The following CSMD1 variants were observed in gnomAD, a reference collection of about 807,000 sequenced individuals.
The protein encoded by CSMD1 is CUB and sushi domain-containing protein 1.
In CSMD1, 213 loss-of-function variants were observed where a neutral mutation model predicts 417.5. The ratio of observed to expected loss-of-function variants is 0.51; its 90% CI spans 0.46 to 0.57. The LOEUF (loss-of-function observed/expected upper bound fraction) is 0.57, where lower values mean the gene tolerates loss of function less well. Among genes scored for constraint, CSMD1 ranks in the 20% least tolerant of loss-of-function variants. The pLI is 0.00. For synonymous variants in CSMD1, 2,862 were observed against 1,736.8 expected (o/e 1.65, Z -16.11); for missense variants, 6,923 against 4,529.7 (o/e 1.53, Z -15.17).
chr8:4,768,891 C>G (rs1019685376), intron 1 of CSMD1, among the ~76,000 whole-genome samples: 1 of 152,168 alleles, frequency 6.6e-6, no homozygotes, highest in Admixed American at 6.5e-5. Context: ...TTTTTCCTAG[C>G]CGAGTCTTCC....
At chr8:4,243,368 C>T (rs1802514207) in intron 3 of CSMD1, among the ~76,000 whole-genome samples, 1 of 151,944 alleles carries the variant, frequency 6.6e-6, no homozygotes, top group Non-Finnish European at 1.5e-5. Context: ...CGAGAGGGGC[C>T]CAAAAAACAG....
At chr8:4,515,162 G>A (rs749442094) in intron 2 of CSMD1, among the ~76,000 whole-genome samples, 8 of 152,168 alleles carry the variant, frequency 5.3e-5, no homozygotes, top group African/African-American at 1.7e-4. Flanking sequence ...TTATGTCTGA[G>A]TTTAGGAACT....
chr8:4,085,443 T>C (rs1800368235), intron 3 of CSMD1, among the ~76,000 whole-genome samples: 1 of 151,918 alleles, frequency 6.6e-6, no homozygotes, highest in South Asian at 2.1e-4. Flanking sequence ...AGAAAATGAG[T>C]TTTAATTGCT....
intron 7 of CSMD1, among the ~76,000 whole-genome samples, chr8:3,666,288 G>C (rs1020841088): frequency 2.0e-5 from 3 of 152,112 alleles, no homozygotes; most frequent in African/African-American, 4.8e-5. Context: ...TTAGTCTATA[G>C]ATTGTGAGAA....
chr8:3,363,921 G>A lies in CSMD1; in HGVS notation c.3115+3111C>T, dbSNP rs1190353730. Among the ~76,000 whole-genome samples, 4 of 152,102 alleles carry A rather than the reference G, an allele frequency of 2.6e-5. No homozygotes were observed. In the South Asian group the frequency reaches 8.3e-4, roughly 32 times the overall value. ...TGTGCAGGTTTATCTAAGCCAACTG[G>A]AATACGGGGCTCTTTTTCTACAATA... On this transcript the variant is annotated intron_variant, in intron 20 of 69. Coordinates refer to ENST00000635120, the MANE Select transcript of CSMD1 (RefSeq NM_033225.6).
In CSMD1 at chr8:3,284,203, G is replaced by T. The variant is rs1423305850; in HGVS notation, c.4094C>A (p.Thr1365Asn). 1 of 1,608,166 alleles carries T rather than the reference G, an allele frequency of 6.2e-7. No homozygotes were observed. The highest frequency in any genetic ancestry group is 1.7e-5 in the Admixed American group (1 of 58,960). The change falls in exon 26 of 70, where the codon ACC becomes AAC. Residue 1365 changes from threonine to asparagine, a missense_variant. Physicochemically the swap from Thr to Asn is moderately conservative, Grantham distance 65. Transcript: ENST00000635120. ...EDIHSTFNSL[T>N]LQFDSDFFIS... ...GAAGAAGTCGCTGTCGAACTGCAGG[G>T]TGAGTGAGTTGAAGGTGCTGTGGAT...
At chr8:3,023,843 C>A (rs186667509) in intron 51 of CSMD1, among the ~76,000 whole-genome samples, 34 of 145,610 alleles carry the variant, frequency 2.3e-4, no homozygotes, top group Non-Finnish European at 4.6e-4. Flanking sequence ...CTAAAATGAA[C>A]ACTGGGGAGT....
At chr8:4,330,658 T>C (rs10086105) in intron 3 of CSMD1, among the ~76,000 whole-genome samples, 51,816 of 151,948 alleles carry the variant, frequency 0.34, 9,117 homozygotes, top group South Asian at 0.47. Context: ...CACAACCTCT[T>C]ATGCCTTTAA....
chr8:3,928,448 T>C (rs1323528333), intron 5 of CSMD1, among the ~76,000 whole-genome samples: 3 of 152,218 alleles, frequency 2.0e-5, no homozygotes, highest in Non-Finnish European at 4.4e-5. Context: ...CAGTAACTGC[T>C]GAATTAATTC....
At chr8:3,087,645 A>C (rs1259765163) in intron 48 of CSMD1, among the ~76,000 whole-genome samples, 2 of 152,264 alleles carry the variant, frequency 1.3e-5, no homozygotes, top group African/African-American at 2.4e-5. Context: ...CTAAGGAGCT[A>C]TAAAAGAAAC....
chr8:3,122,814 G>C (rs1409332643), intron 41 of CSMD1, among the ~76,000 whole-genome samples: 1 of 152,106 alleles, frequency 6.6e-6, no homozygotes, highest in Non-Finnish European at 1.5e-5. Context: ...GTCTTGGGTA[G>C]GTCTTTATCA....
At chr8:4,629,276 C>A (rs1192537782) in intron 2 of CSMD1, among the ~76,000 whole-genome samples, 1 of 152,094 alleles carries the variant, frequency 6.6e-6, no homozygotes, top group Non-Finnish European at 1.5e-5. Context: ...AATTTAATAT[C>A]CTACCAATAG....
intron 12 of CSMD1, among the ~76,000 whole-genome samples, chr8:3,454,122 C>G (rs1196788689): frequency 2.0e-5 from 3 of 152,142 alleles, no homozygotes; most frequent in Admixed American, 6.5e-5. Flanking sequence ...TTATCAGAGA[C>G]TAGGATTGCA....
intron 2 of CSMD1, among the ~76,000 whole-genome samples, chr8:4,511,538 G>A (rs950027347): frequency 6.6e-6 from 1 of 152,202 alleles, no homozygotes; most frequent in Non-Finnish European, 1.5e-5. Context: ...CAAACTGAAA[G>A]ATCAATTCTT....
intron 2 of CSMD1, among the ~76,000 whole-genome samples, chr8:4,435,979 T>C (rs1327907624): frequency 6.6e-6 from 1 of 152,178 alleles, no homozygotes; most frequent in East Asian, 1.9e-4. Flanking sequence ...ACCATCTACT[T>C]TTCTGTCACA....
chr8:4,323,561 T>C (rs1018642275), intron 3 of CSMD1, among the ~76,000 whole-genome samples: 3 of 152,126 alleles, frequency 2.0e-5, no homozygotes, highest in African/African-American at 4.8e-5. Context: ...TATTGGGTCA[T>C]ATATCTGCTT....
chr8:3,687,203 C>T (rs180889844), intron 7 of CSMD1, among the ~76,000 whole-genome samples: 1 of 152,350 alleles, frequency 6.6e-6, no homozygotes, highest in Admixed American at 6.5e-5. Context: ...AACCTTCCAT[C>T]TTGGTTTGCC....
At chr8:4,591,521 G>C (rs908343883) in intron 2 of CSMD1, among the ~76,000 whole-genome samples, 4 of 152,186 alleles carry the variant, frequency 2.6e-5, no homozygotes, top group African/African-American at 4.8e-5. Context: ...CTGTGGTATA[G>C]CGTGATTACA....
intron 1 of CSMD1, among the ~76,000 whole-genome samples, chr8:4,718,247 G>A (rs1027091536): frequency 6.6e-6 from 1 of 152,158 alleles, no homozygotes; most frequent in African/African-American, 2.4e-5. Context: ...AAAATGTTGG[G>A]ATTACAGGTG....
Sources: gnomAD v4.1 joint callset for allele counts (sites outside exome capture counted in the v4.1 genomes callset) on GRCh38, gnomAD v4.1.1 for gene constraint, MANE v1.5 for transcripts, NCBI Gene and HGNC (gene_info 2026-07-23, HGNC 2026-07-21) for gene names.